GCSAML: variants seen among roughly 807,000 people sequenced by gnomAD.
GCSAML encodes germinal center-associated signaling and motility-like protein.
In GCSAML, 9 loss-of-function variants were observed where a neutral mutation model predicts 13.0. The observed-to-expected ratio is 0.69, with a 90% confidence interval of 0.42 to 1.21. GCSAML has a LOEUF of 1.21. GCSAML is among the 50% of genes most tolerant of loss of function. The pLI is 0.00. For synonymous variants in GCSAML, 37 were observed against 52.9 expected, an observed-to-expected ratio of 0.70 and a Z score of 1.31; for missense variants, 143 against 153.4, an observed-to-expected ratio of 0.93 and a Z score of 0.36.
At chr1:247,511,014 C>T (rs879299373) in intron 1 of GCSAML, among the ~76,000 whole-genome samples, 3 of 152,040 alleles carry the variant, frequency 2.0e-5, no homozygotes, top group Non-Finnish European at 2.9e-5. Context: ...CTATCAGGTC[C>T]GCTTGGTCCA....
At chr1:247,550,530 G>T (rs1027789052) in intron 1 of GCSAML, among the ~76,000 whole-genome samples, 3 of 152,064 alleles carry the variant, frequency 2.0e-5, no homozygotes, top group Non-Finnish European at 4.4e-5. Flanking sequence ...CCAGCTACTC[G>T]GCAGGCTGGG....
At chr1:247,509,413 G>C (rs1388343182) in intron 1 of GCSAML, among the ~76,000 whole-genome samples, 1 of 152,100 alleles carries the variant, frequency 6.6e-6, no homozygotes, top group Admixed American at 6.5e-5. Flanking sequence ...GGGCTGAGAC[G>C]ATGGGGTTTT....
intron 1 of GCSAML, among the ~76,000 whole-genome samples, chr1:247,550,713 G>C (rs745450917): frequency 3.3e-5 from 5 of 152,144 alleles, no homozygotes; most frequent in African/African-American, 1.2e-4. Context: ...GGATGAGCAT[G>C]AGTCTGGGCA....
intron 1 of GCSAML, among the ~76,000 whole-genome samples, chr1:247,508,397 G>T (rs1665901602): frequency 6.6e-6 from 1 of 152,010 alleles, no homozygotes; most frequent in Non-Finnish European, 1.5e-5. Context: ...TAAGTTCTTT[G>T]TAGATTCTGG....
chr1:247,529,726 T>C (rs1358959000), intron 2 of GCSAML: 1 of 34,970 alleles, frequency 2.9e-5, no homozygotes, highest in Non-Finnish European at 7.2e-5. Context: ...GTGTTTTTTT[T>C]TTTTTTTTTT....
At chr1:247,566,053 G>C in intron 4 of GCSAML, 94 bp downstream of exon 4, 2 of 778,858 alleles carry the variant, frequency 2.6e-6, no homozygotes, top group Non-Finnish European at 4.0e-6. Context: ...TTATTCAAGA[G>C]TAGCATCTGT....
chr1:247,564,168 G>A (rs1300493241), intron 3 of GCSAML, among the ~76,000 whole-genome samples: 5 of 152,150 alleles, frequency 3.3e-5, no homozygotes, highest in South Asian at 2.1e-4. Context: ...TCCTGACCTC[G>A]TGATCCACCT....
chr1:247,550,433 C>T (rs911121109), intron 1 of GCSAML, among the ~76,000 whole-genome samples: 1 of 152,126 alleles, frequency 6.6e-6, no homozygotes, highest in African/African-American at 2.4e-5. Flanking sequence ...GTCAGGAGAT[C>T]GAGACCATTC....
Position 247,565,880 on chromosome 1 carries a change from G to A in GCSAML, c.140-51G>A, listed in dbSNP as rs1016321413. ...TCCTTCAATCTGTGATGGGGCAAAAGTCTCACAGTGCTTTCCTTTCTTTCT... is the reference window on the plus strand; with the variant it reads ...TCCTTCAATCTGTGATGGGGCAAAAATCTCACAGTGCTTTCCTTTCTTTCT... On this transcript the variant is annotated intron_variant, in intron 3 of 4. Coordinates refer to ENST00000366488, the MANE Select transcript of GCSAML (RefSeq NM_145278.5). 4 of 1,430,662 alleles carry A rather than the reference G, an allele frequency of 2.8e-6. No homozygotes were observed. The African/African-American group carries it at 5.9e-5, about 21-fold the overall frequency. The allele number at this position is 1,430,662 out of a possible 1,614,324, so 88.6% of individuals were successfully genotyped here.
intron 2 of GCSAML, chr1:247,532,421 C>T: frequency 6.2e-7 from 1 of 1,614,126 alleles, no homozygotes; most frequent in Non-Finnish European, 8.5e-7. Context: ...CTCAAGACAA[C>T]TATGAAGAGG....
At chr1:247,542,315 CAAAGAAAATG>C (rs1667442698) in intron 2 of GCSAML, among the ~76,000 whole-genome samples, 2 of 151,962 alleles carry the variant, frequency 1.3e-5, no homozygotes, top group Admixed American at 1.3e-4. Context: ...AAGTAAAAAG[CAAAGAAAATG>C]AAAGAAAATG....
chr1:247,557,912 C>T (rs1024449859), intron 2 of GCSAML, among the ~76,000 whole-genome samples: 4 of 152,212 alleles, frequency 2.6e-5, no homozygotes, highest in African/African-American at 9.6e-5. Flanking sequence ...ATTTAACTTA[C>T]GCATAAACTA....
At chr1:247,535,918 A>G (rs1667200445) in intron 2 of GCSAML, among the ~76,000 whole-genome samples, 2 of 152,244 alleles carry the variant, frequency 1.3e-5, no homozygotes, top group South Asian at 4.1e-4. Context: ...CAAAGATAGC[A>G]TACTGAAAGT....
chr1:247,514,822 C>T (rs1347958863), intron 1 of GCSAML, among the ~76,000 whole-genome samples: 2 of 152,172 alleles, frequency 1.3e-5, no homozygotes, highest in Non-Finnish European at 1.5e-5. Context: ...TGGTCAATGT[C>T]CCGATTTTTT....
At chr1:247,517,428 T>A (rs940695092) in intron 1 of GCSAML, among the ~76,000 whole-genome samples, 2 of 152,206 alleles carry the variant, frequency 1.3e-5, no homozygotes, top group Non-Finnish European at 2.9e-5. Context: ...AAATGTAAAA[T>A]GTGGAAATGT....
At chr1:247,540,777 C>T (rs1033798988) in intron 2 of GCSAML, among the ~76,000 whole-genome samples, 2 of 152,186 alleles carry the variant, frequency 1.3e-5, no homozygotes, top group African/African-American at 4.8e-5. Context: ...GATAAGACTG[C>T]ACTCCGGGTT....
At chr1:247,547,048 A>C (rs974582853), upstream of GCSAML, among the ~76,000 whole-genome samples, 9 of 151,946 alleles carry the variant, frequency 5.9e-5, no homozygotes, top group African/African-American at 2.2e-4. Flanking sequence ...GCTGCAGCTG[A>C]GCCCTGATCA....
rs71533502 is a variant in GCSAML, at chr1:247,522,281, T to A, written c.-262-4659T>A. Among the ~76,000 whole-genome samples, 3 of 98,294 alleles carry A rather than the reference T, an allele frequency of 3.1e-5. 1 individual carries two copies. Among genetic ancestry groups the A allele is most frequent in the Admixed American group, 2.6e-4 (3 of 11,478 alleles). The allele number at this position is 98,294 out of a possible 152,430, so 64.5% of individuals were successfully genotyped here. ...GCAGCCCCCACCCGGCTAGCCGCCC[T>A]GTCCGGGAGGGAGGTGGGGGGCGCC... On this transcript the variant is annotated intron_variant, in intron 1 of 5. Transcript: ENST00000366489.
intron 4 of GCSAML, among the ~76,000 whole-genome samples, chr1:247,572,391 G>T (rs1341692047): frequency 6.6e-6 from 1 of 152,022 alleles, no homozygotes; most frequent in Non-Finnish European, 1.5e-5. Context: ...TTTTTGCGTG[G>T]TTGTCCTTTT....
Sources: gnomAD v4.1 joint callset for allele counts (sites outside exome capture counted in the v4.1 genomes callset) on GRCh38, gnomAD v4.1.1 for gene constraint, MANE v1.5 for transcripts, NCBI Gene and HGNC (gene_info 2026-07-23, HGNC 2026-07-21) for gene names.